The following UBE2V2 variants were observed in gnomAD, a reference collection of about 807,000 sequenced individuals.
The protein encoded by UBE2V2 is ubiquitin conjugating enzyme E2 V2.
Under a neutral mutation model 17.2 loss-of-function variants are expected in UBE2V2, and 9 were observed. The observed-to-expected ratio is 0.52, with a 90% CI of 0.32 to 0.91. The LOEUF (loss-of-function observed/expected upper bound fraction) is 0.91, where lower values mean the gene tolerates loss of function less well. UBE2V2 is among the 40% of genes least tolerant of loss of function. UBE2V2 has a pLI of 0.04. For missense variants in UBE2V2, 133 were observed against 182.6 expected, an observed-to-expected ratio of 0.73 and a Z score of 1.56; for synonymous variants, 61 against 57.5, an observed-to-expected ratio of 1.06 and a Z score of -0.28.
the UBE2V2 span, among the ~76,000 whole-genome samples, chr8:47,999,461 A>T: frequency 6.6e-6 from 1 of 151,394 alleles, no homozygotes; most frequent in Non-Finnish European, 1.5e-5. Flanking sequence ...GGTTCAAGTG[A>T]TTCTCCTGCC....
At chr8:48,050,049 C>A in intron 3 of UBE2V2, 71 bp downstream of exon 3, 2 of 1,059,006 alleles carry the variant, frequency 1.9e-6, no homozygotes, top group Non-Finnish European at 2.5e-6. Flanking sequence ...GTACACACAC[C>A]ATAATATATG....
At chr8:48,029,946 C>T (rs1211672728) in intron 1 of UBE2V2, among the ~76,000 whole-genome samples, 2 of 152,112 alleles carry the variant, frequency 1.3e-5, no homozygotes, top group Non-Finnish European at 2.9e-5. Context: ...TGCATGCCAT[C>T]CTAATTTTAC....
intron 1 of UBE2V2, among the ~76,000 whole-genome samples, chr8:48,010,591 C>T (rs1413443770): frequency 6.7e-6 from 1 of 149,654 alleles, no homozygotes; most frequent in Non-Finnish European, 1.5e-5. Flanking sequence ...TTAGTAGAGA[C>T]GGGGTTTCAC....
intron 1 of UBE2V2, among the ~76,000 whole-genome samples, chr8:48,023,673 A>T (rs925792291): frequency 2.0e-5 from 3 of 151,660 alleles, no homozygotes; most frequent in Non-Finnish European, 4.4e-5. Context: ...GGAGTTTGAG[A>T]CCAGCCTGGC....
At chr8:48,039,099 C>G (rs1366537276) in intron 1 of UBE2V2, among the ~76,000 whole-genome samples, 1 of 151,780 alleles carries the variant, frequency 6.6e-6, no homozygotes, top group African/African-American at 2.4e-5. Context: ...CGGGTTTGAC[C>G]ATGCTGGCCA....
chr8:48,008,983 C>G (rs1270167052), intron 1 of UBE2V2, among the ~76,000 whole-genome samples: 1 of 152,138 alleles, frequency 6.6e-6, no homozygotes, highest in Non-Finnish European at 1.5e-5. Context: ...TCTTTCTTAC[C>G]TGACTGAATA....
At chr8:48,045,048 A>G (rs1407095389) in intron 2 of UBE2V2, among the ~76,000 whole-genome samples, 1 of 151,988 alleles carries the variant, frequency 6.6e-6, no homozygotes, top group Non-Finnish European at 1.5e-5. Context: ...AGGAAACTCT[A>G]TCCACTGGGA....
intron 2 of UBE2V2, among the ~76,000 whole-genome samples, chr8:48,049,113 G>C (rs1366043462): frequency 6.6e-6 from 1 of 152,074 alleles, no homozygotes; most frequent in Non-Finnish European, 1.5e-5. Flanking sequence ...CTTTAAGTTT[G>C]ATACCTATTT....
At position 48,060,679 on chromosome 8, in the gene UBE2V2, C is replaced by T; in HGVS notation, c.292-3C>T. ...TTAACTGTACTCTTTCCTCCCCTTT[C>T]AGGTGGATGCCCGGAGCATACCAGT... On this transcript the variant is annotated splice_polypyrimidine_tract_variant and splice_region_variant and intron_variant, in intron 3 of 3. Transcript: ENST00000523111. 1.4e-6 allele frequency: 2 copies of T among 1,479,568 alleles called. No homozygotes were observed. The highest frequency in any genetic ancestry group is 1.8e-6 in the Non-Finnish European group (2 of 1,115,124). 91.7% of individuals were successfully genotyped at this position (1,479,568 alleles called of 1,614,324 possible). A position where few individuals can be genotyped will look rare whatever the true frequency, so the allele number is the denominator to read the frequency against.
intron 3 of UBE2V2, among the ~76,000 whole-genome samples, chr8:48,056,139 A>G (rs1038510898): frequency 2.6e-5 from 4 of 152,098 alleles, no homozygotes; most frequent in African/African-American, 7.2e-5. Context: ...TGGCGACTTA[A>G]CGTAATGTTT....
chr8:48,041,870 C>A (rs892047150), intron 1 of UBE2V2: 2 of 151,716 alleles, frequency 1.3e-5, no homozygotes, highest in African/African-American at 4.8e-5. Context: ...CTTGGCTCAC[C>A]GCAACCTCCA....
intron 1 of UBE2V2, among the ~76,000 whole-genome samples, chr8:48,032,690 A>G (rs2091391952): frequency 6.6e-6 from 1 of 152,168 alleles, no homozygotes; most frequent in South Asian, 2.1e-4. Context: ...TAGGAATTTG[A>G]GGCTGTAGTG....
At chr8:48,016,559 T>G (rs1436446747) in intron 1 of UBE2V2, among the ~76,000 whole-genome samples, 3 of 152,054 alleles carry the variant, frequency 2.0e-5, no homozygotes, top group East Asian at 3.9e-4. Flanking sequence ...CTCGGCTCAT[T>G]GCAACCTCCA....
chr8:48,022,619 G>A (rs116881213), intron 1 of UBE2V2, among the ~76,000 whole-genome samples: 524 of 152,108 alleles, frequency 3.4e-3, no homozygotes, highest in Non-Finnish European at 5.6e-3. Flanking sequence ...ATGTTTTTGT[G>A]TTACTCATCA....
At chr8:48,047,995 G>GTTTT (rs11368838) in intron 2 of UBE2V2, among the ~76,000 whole-genome samples, 3 of 139,562 alleles carry the variant, frequency 2.1e-5, no homozygotes, top group African/African-American at 2.6e-5. Flanking sequence ...AGAGCTTTGG[G>GTTTT]TTTTTTTTTT....
chr8:47,997,975 C>T, the UBE2V2 span, among the ~76,000 whole-genome samples: 2 of 151,450 alleles, frequency 1.3e-5, no homozygotes, highest in Non-Finnish European at 2.9e-5. Flanking sequence ...TTGGAGCGGG[C>T]GAGGATAATT....
At chr8:48,015,325 TGTGATC>T (rs2091261614) in intron 1 of UBE2V2, among the ~76,000 whole-genome samples, 1 of 152,032 alleles carries the variant, frequency 6.6e-6, no homozygotes, top group Non-Finnish European at 1.5e-5. Context: ...TGCAGTGAGC[TGTGATC>T]GTGTCACTGC....
chr8:48,008,506 C>G (rs2091202154), intron 1 of UBE2V2, 36 bp downstream of exon 1: 3 of 1,559,670 alleles, frequency 1.9e-6, no homozygotes, highest in Non-Finnish European at 2.6e-6. Flanking sequence ...ATTTTCCGCT[C>G]CGACCCGGCT....
rs1563854642 is a variant in UBE2V2 at position 48,035,634 on chromosome 8, TGTGTGTGTG to T, written c.17-7398_17-7390del. Among the ~76,000 whole-genome samples the T allele has an allele frequency of 3.6e-4, 46 of 128,240 alleles. 1 individual carries two copies. Among genetic ancestry groups the T allele is most frequent in the African/African-American group, 1.3e-3 (40 of 30,098 alleles). 84.1% of individuals were successfully genotyped at this position (128,240 alleles called of 152,430 possible). A position where few individuals can be genotyped will look rare whatever the true frequency, so the allele number is the denominator to read the frequency against. On this transcript the variant is annotated intron_variant, in intron 1 of 3. Coordinates refer to ENST00000523111, the MANE Select transcript of UBE2V2 (RefSeq NM_003350.3). ...AAAAATTATTGTTTTTTTTTTTTTGTGTGTGTGTGTGTGTGTGTGTGTGTGTATATGTAT... is the reference window on the plus strand; with the variant it reads ...AAAAATTATTGTTTTTTTTTTTTTGTTGTGTGTGTGTGTGTGTATATGTAT...
Sources: allele counts gnomAD v4.1 joint callset (sites outside exome capture counted in the v4.1 genomes callset), GRCh38; gene constraint gnomAD v4.1.1; transcripts MANE v1.5; gene names NCBI Gene and HGNC (gene_info 2026-07-23, HGNC 2026-07-21).